Variants in FBXO11 observed in about 807,000 individuals in gnomAD.
The protein encoded by FBXO11 is F-box only protein 11.
A neutral mutation model predicts 117.0 loss-of-function variants in FBXO11; 13 were observed. The observed-to-expected ratio is 0.11, with a 90% CI of 0.07 to 0.18. The LOEUF is 0.18. FBXO11 is among the 10% of genes least tolerant of loss of function. The pLI, the probability that FBXO11 is intolerant of heterozygous loss-of-function variation, is 1.00. For missense variants in FBXO11, 767 were observed against 1,164.4 expected (o/e 0.66, Z 4.97); for synonymous variants, 490 against 380.5 (o/e 1.29, Z -3.35).
chr2:47,824,773 T>A (rs1671626060), intron 11 of FBXO11, among the ~76,000 whole-genome samples: 4 of 152,198 alleles, frequency 2.6e-5, no homozygotes, highest in Admixed American at 2.6e-4. Flanking sequence ...TTGAATTTCT[T>A]AAATTTCCTA....
At chr2:47,866,427 G>C (rs576643878) in intron 1 of FBXO11, among the ~76,000 whole-genome samples, 2 of 151,394 alleles carry the variant, frequency 1.3e-5, no homozygotes, top group East Asian at 3.9e-4. Context: ...AAAAAACTGC[G>C]TCCCAAAATG....
At chr2:47,901,061 A>G (rs200755509) in intron 1 of FBXO11, among the ~76,000 whole-genome samples, 3 of 115,424 alleles carry the variant, frequency 2.6e-5, no homozygotes, top group African/African-American at 8.3e-5. Context: ...ACACATATAT[A>G]TGTATATATA....
Position 47,807,493 on chromosome 2 carries a change from GT to G in FBXO11, c.*624del. On this transcript the variant is annotated 3_prime_UTR_variant, in exon 23 of 23. Transcript: ENST00000403359. ...TTGCTGGATATAATTTAAGATTAGTGTTTTCTCTTTCATAGAAAGAACGTAC... is the reference window on the plus strand; with the variant it reads ...TTGCTGGATATAATTTAAGATTAGTGTTTCTCTTTCATAGAAAGAACGTAC... 9.6e-6 allele frequency: 2 copies of G among 207,480 alleles called. No homozygotes were observed. Among genetic ancestry groups the G allele is most frequent in the Non-Finnish European group, 2.0e-5 (2 of 101,480 alleles). 12.9% of individuals were successfully genotyped at this position (207,480 alleles called of 1,614,324 possible).
intron 1 of FBXO11, among the ~76,000 whole-genome samples, chr2:47,874,284 T>C (rs1435151417): frequency 6.6e-6 from 1 of 152,064 alleles, no homozygotes; most frequent in Non-Finnish European, 1.5e-5. Flanking sequence ...ATATTTCTAT[T>C]TTGTTGTGTT....
At chr2:47,877,749 A>G (rs2103877915) in intron 1 of FBXO11, among the ~76,000 whole-genome samples, 1 of 152,204 alleles carries the variant, frequency 6.6e-6, no homozygotes, top group South Asian at 2.1e-4. Flanking sequence ...CAGTGGTGCG[A>G]TCTTGGCTCA....
chr2:47,885,740 T>C (rs934245828), intron 1 of FBXO11, among the ~76,000 whole-genome samples: 3 of 152,074 alleles, frequency 2.0e-5, no homozygotes, highest in African/African-American at 7.2e-5. Context: ...ACCAAAAAAA[T>C]GCCAACATAA....
intron 4 of FBXO11, 151 bp downstream of exon 4, chr2:47,838,708 C>A (rs940780609): frequency 4.8e-6 from 3 of 622,498 alleles, no homozygotes; most frequent in Admixed American, 3.1e-5. Flanking sequence ...GGACTGACAG[C>A]CCCCATTTGT....
At chr2:47,839,075 A>C in intron 3 of FBXO11, 72 bp from the exon 4 acceptor site, 1 of 1,467,962 alleles carries the variant, frequency 6.8e-7, no homozygotes, top group Non-Finnish European at 9.2e-7. Flanking sequence ...CACAGTTTTC[A>C]TTTTATCTAA....
At chr2:47,872,003 T>G (rs1675659252) in intron 1 of FBXO11, among the ~76,000 whole-genome samples, 1 of 152,222 alleles carries the variant, frequency 6.6e-6, no homozygotes, top group Admixed American at 6.5e-5. Flanking sequence ...AGTTCTGACT[T>G]CACAAATAAC....
chr2:47,855,698 G>A (rs916057698), intron 1 of FBXO11, among the ~76,000 whole-genome samples: 3 of 152,098 alleles, frequency 2.0e-5, no homozygotes, highest in Admixed American at 2.0e-4. Context: ...CAGGCATGGT[G>A]GTGCATGCCT....
chr2:47,840,844 T>C (rs967221833), intron 1 of FBXO11, among the ~76,000 whole-genome samples: 2 of 146,278 alleles, frequency 1.4e-5, no homozygotes, highest in African/African-American at 5.0e-5. Context: ...ATAATAATAC[T>C]TTAAAAATTA....
intron 1 of FBXO11, among the ~76,000 whole-genome samples, chr2:47,879,225 T>C (rs939899819): frequency 6.6e-6 from 1 of 152,224 alleles, no homozygotes; most frequent in Admixed American, 6.5e-5. Flanking sequence ...TTTCTCACCT[T>C]CTGCTATTAC....
chr2:47,901,735 T>C (rs1214083472), intron 1 of FBXO11, among the ~76,000 whole-genome samples: 1 of 152,212 alleles, frequency 6.6e-6, no homozygotes, highest in Non-Finnish European at 1.5e-5. Flanking sequence ...TTCTGTAGAC[T>C]TGTAAGCTTT....
chr2:47,816,926 G>A (rs776214354), intron 16 of FBXO11, among the ~76,000 whole-genome samples: 58 of 152,224 alleles, frequency 3.8e-4, no homozygotes, highest in Middle Eastern at 3.4e-3. Flanking sequence ...AATGGTAAAT[G>A]AGCACTGCCT....
rs1025593494 is a variant in FBXO11, at chr2:47,807,091, C to T, written c.*1027G>A. 7.7e-6 allele frequency: 4 copies of T among 519,398 alleles called. No individual in the cohort carries two copies. The highest frequency in any genetic ancestry group is 7.7e-5 in the African/African-American group (4 of 52,202). The allele number at this position is 519,398 out of a possible 1,614,324, so 32.2% of individuals were successfully genotyped here. On this transcript the variant is annotated 3_prime_UTR_variant, in exon 23 of 23. Transcript: ENST00000403359. The stretch of plus-strand genomic sequence containing the variant: ...GCATACACTTTCAGGCTGTTTTATA[C>T]CCACTGTCACCAATACACATAAATG...
rs3732187 is a variant in FBXO11 at position 47,807,957 on chromosome 2, T to C, written c.*161A>G. ...ATCCTGAGTCAATATATTGCCACTT[T>C]CTTTTTGGTAGCTTGAGCTTCATAG... On this transcript the variant is annotated 3_prime_UTR_variant, in exon 23 of 23. Transcript: ENST00000403359. 2.6e-5 allele frequency: 17 copies of C among 657,608 alleles called. No individual in the cohort carries two copies. The East Asian group carries it at 3.1e-4, about 12-fold the overall frequency. The allele number at this position is 657,608 out of a possible 1,614,324, so 40.7% of individuals were successfully genotyped here. A position where few individuals can be genotyped will look rare whatever the true frequency, so the allele number is the denominator to read the frequency against.
At chr2:47,882,631 C>T (rs1676516361) in intron 1 of FBXO11, among the ~76,000 whole-genome samples, 1 of 151,908 alleles carries the variant, frequency 6.6e-6, no homozygotes, top group Non-Finnish European at 1.5e-5. Context: ...GCTTCTTGTG[C>T]TCCTTCTTAT....
At chr2:47,815,585 A>G (rs1242067424) in intron 16 of FBXO11, among the ~76,000 whole-genome samples, 1 of 152,192 alleles carries the variant, frequency 6.6e-6, no homozygotes, top group Non-Finnish European at 1.5e-5. Context: ...CCCTGACAGC[A>G]GGTCCTTGCA....
In FBXO11 at chr2:47,840,029, C is replaced by T. The variant is rs185753015; in HGVS notation, c.233-260G>A. Among the ~76,000 whole-genome samples, 90 of 151,772 alleles carry T rather than the reference C, an allele frequency of 5.9e-4. 1 individual carries two copies. In the East Asian group the frequency reaches 0.016, roughly 26 times the overall value. On this transcript the variant is annotated intron_variant, in intron 1 of 22. Coordinates refer to ENST00000403359, the MANE Select transcript of FBXO11 (RefSeq NM_001190274.2). The stretch of plus-strand genomic sequence containing the variant: ...CGCAATCTCGGCTCACTGCAAGCTC[C>T]GCCTCCTGGGTTCACGCCTTTCTCC...
Sources: allele counts gnomAD v4.1 joint callset (sites outside exome capture counted in the v4.1 genomes callset), GRCh38; gene constraint gnomAD v4.1.1; transcripts MANE v1.5; gene names NCBI Gene and HGNC (gene_info 2026-07-23, HGNC 2026-07-21).